The following SPATS2 variants were observed in gnomAD, a reference collection of about 807,000 sequenced individuals.
SPATS2 encodes the protein spermatogenesis associated serine rich 2.
SPATS2 carries 38 observed loss-of-function variants against 63.7 expected under a neutral mutation model. The ratio of observed to expected loss-of-function variants is 0.60; its 90% CI spans 0.46 to 0.78. SPATS2 has a LOEUF of 0.78. SPATS2 is among the 30% of genes least tolerant of loss of function. The pLI is 0.00. For synonymous variants in SPATS2, 207 were observed against 232.9 expected, an observed-to-expected ratio of 0.89 and a Z score of 1.01; for missense variants, 588 against 666.2, an observed-to-expected ratio of 0.88 and a Z score of 1.29.
At chr12:49,412,164 C>T (rs756503067) in intron 2 of SPATS2, among the ~76,000 whole-genome samples, 2 of 152,060 alleles carry the variant, frequency 1.3e-5, no homozygotes, top group Non-Finnish European at 2.9e-5. Context: ...GAGGAGATAG[C>T]ATGACCATCA....
chr12:49,473,007 G>A (rs959934101), intron 3 of SPATS2, among the ~76,000 whole-genome samples: 1 of 149,396 alleles, frequency 6.7e-6, no homozygotes, highest in African/African-American at 2.5e-5. Context: ...CCATGATTAT[G>A]TCACTGCACG....
chr12:49,408,545 G>C (rs1030228718), intron 2 of SPATS2, among the ~76,000 whole-genome samples: 1 of 146,180 alleles, frequency 6.8e-6, no homozygotes, highest in African/African-American at 2.6e-5. Flanking sequence ...GAGCCACTGT[G>C]CCTGGCCTTT....
chr12:49,386,660 T>A (rs1422570577), intron 2 of SPATS2, among the ~76,000 whole-genome samples: 6 of 152,046 alleles, frequency 3.9e-5, no homozygotes, highest in Admixed American at 3.9e-4. Context: ...TACTGTGGAA[T>A]TCTAACCGGG....
At chr12:49,442,786 TAAAAAAAAAA>T (rs71439499) in intron 2 of SPATS2, 40 of 27,152 alleles carry the variant, frequency 1.5e-3, no homozygotes, top group South Asian at 9.7e-3. Context: ...CATGTCTCCT[TAAAAAAAAAA>T]AAAAAAAAAA....
In SPATS2 at chr12:49,408,312, G is replaced by A. The variant is rs543346309; in HGVS notation, c.-244+37022G>A. Among the ~76,000 whole-genome samples, 44 of 150,764 alleles carry A rather than the reference G, an allele frequency of 2.9e-4. No individual in the cohort carries two copies. In the South Asian group the frequency reaches 9.2e-3, roughly 32 times the overall value. On this transcript the variant is annotated intron_variant, in intron 2 of 13. Coordinates refer to ENST00000552918, the MANE Select transcript of SPATS2 (RefSeq NM_023071.4). ...TTGTCACCCAGGCTGAAGTGCAATGGCACAATCTCGGCTCACTGCAACCTC... is the reference window on the plus strand; with the variant it reads ...TTGTCACCCAGGCTGAAGTGCAATGACACAATCTCGGCTCACTGCAACCTC...
chr12:49,478,465 T>C (rs1392666944), intron 3 of SPATS2, among the ~76,000 whole-genome samples: 1 of 152,190 alleles, frequency 6.6e-6, no homozygotes, highest in Non-Finnish European at 1.5e-5. Context: ...ATTCTCAAAG[T>C]TGGCATGAGA....
At chr12:49,489,674 G>C in intron 5 of SPATS2, 101 bp downstream of exon 5, 1 of 913,954 alleles carries the variant, frequency 1.1e-6, no homozygotes, top group Non-Finnish European at 1.6e-6. Context: ...ATAGATGATA[G>C]AGCAGACCCC....
At chr12:49,513,267 G>A (rs1333632224) in intron 9 of SPATS2, among the ~76,000 whole-genome samples, 1 of 151,926 alleles carries the variant, frequency 6.6e-6, no homozygotes, top group African/African-American at 2.4e-5. Context: ...AAACAAGAGT[G>A]GAACTTTTAT....
intron 3 of SPATS2, chr12:49,462,183 G>GA (rs1414664642): frequency 9.6e-6 from 6 of 624,214 alleles, no homozygotes; most frequent in Middle Eastern, 2.5e-4. Context: ...CAGAGCTGTA[G>GA]AAAAAAAGTA....
intron 9 of SPATS2, among the ~76,000 whole-genome samples, chr12:49,504,371 ACTTTT>A (rs1192648664): frequency 1.3e-5 from 2 of 152,206 alleles, no homozygotes; most frequent in Non-Finnish European, 2.9e-5. Flanking sequence ...ACCCAAGTTT[ACTTTT>A]CTTGTTAATT....
chr12:49,382,526 A>T (rs979755520), intron 2 of SPATS2, among the ~76,000 whole-genome samples: 5 of 152,194 alleles, frequency 3.3e-5, no homozygotes, highest in South Asian at 4.1e-4. Flanking sequence ...AAAAATGTAG[A>T]GTGTGTGAAG....
intron 2 of SPATS2, among the ~76,000 whole-genome samples, chr12:49,412,233 C>T (rs1310814621): frequency 3.3e-5 from 5 of 152,136 alleles, no homozygotes; most frequent in Non-Finnish European, 5.9e-5. Context: ...CTCTCTCTGT[C>T]GCCTAGGCTG....
At chr12:49,398,641 A>G (rs1367420698) in intron 2 of SPATS2, among the ~76,000 whole-genome samples, 1 of 152,228 alleles carries the variant, frequency 6.6e-6, no homozygotes, top group Non-Finnish European at 1.5e-5. Flanking sequence ...GAGATGTGTT[A>G]AATTTTCAAA....
intron 2 of SPATS2, among the ~76,000 whole-genome samples, chr12:49,372,950 GT>G (rs1944026946): frequency 8.6e-6 from 1 of 116,400 alleles, no homozygotes; most frequent in Admixed American, 8.0e-5. Context: ...TTGTGTGTGT[GT>G]GTGTGTGTGT....
chr12:49,378,848 G>C (rs897761367), intron 2 of SPATS2, among the ~76,000 whole-genome samples: 3 of 152,090 alleles, frequency 2.0e-5, no homozygotes, highest in Admixed American at 6.6e-5. Flanking sequence ...TCTGGCCTCA[G>C]CCTCCCAAAG....
chr12:49,436,099 C>G (rs987928444), intron 2 of SPATS2, among the ~76,000 whole-genome samples: 2 of 152,170 alleles, frequency 1.3e-5, no homozygotes, highest in African/African-American at 2.4e-5. Context: ...ACCTTTACCC[C>G]CTTTCTATTC....
chr12:49,400,074 TG>T (rs1336560620), intron 2 of SPATS2, among the ~76,000 whole-genome samples: 1 of 152,322 alleles, frequency 6.6e-6, no homozygotes, highest in East Asian at 1.9e-4. Context: ...TACCAGGCAC[TG>T]TTAGAGTTAC....
At chr12:49,467,040 CT>C (rs1272353375) in intron 3 of SPATS2, among the ~76,000 whole-genome samples, 1 of 94,682 alleles carries the variant, frequency 1.1e-5, no homozygotes, top group African/African-American at 3.9e-5. Context: ...ATAATTTGTT[CT>C]TTGTTTTTTT....
At position 49,485,361 on chromosome 12, in the gene SPATS2, G is replaced by T. The variant is rs558120323; in HGVS notation, c.105+692G>T. Among the ~76,000 whole-genome samples the T allele has an allele frequency of 5.9e-5, 9 of 151,464 alleles. No homozygotes were observed. The East Asian group carries it at 1.8e-3, about 30-fold the overall frequency. On this transcript the variant is annotated intron_variant, in intron 4 of 13. Transcript: ENST00000552918. ...GAGCCACCATGCCCGGCCGAAATAG[G>T]TCTTTTGTGGGTTTTTTCGAGACAG... is the stretch of plus-strand genomic sequence containing the variant.
Sources: allele counts gnomAD v4.1 joint callset (sites outside exome capture counted in the v4.1 genomes callset), GRCh38; gene constraint gnomAD v4.1.1; transcripts MANE v1.5; gene names NCBI Gene and HGNC (gene_info 2026-07-23, HGNC 2026-07-21).